Variants in STIM2 observed in about 807,000 individuals in gnomAD.
STIM2 encodes stromal interaction molecule 2.
A neutral mutation model predicts 85.8 loss-of-function variants in STIM2; 31 were observed. The ratio of observed to expected loss-of-function variants is 0.36; its 90% confidence interval spans 0.27 to 0.49. STIM2 has a LOEUF of 0.49. Among genes scored for constraint, STIM2 ranks in the 20% least tolerant of loss-of-function variants. The probability of loss-of-function intolerance (pLI) is 0.98; values close to 1 mark genes in which losing one functional copy is unlikely to be tolerated. For synonymous variants in STIM2, 356 were observed against 331.1 expected (o/e 1.08, Z -0.82); for missense variants, 841 against 927.6 (o/e 0.91, Z 1.21).
chr4:26,951,499 CT>C (rs749488657), intron 2 of STIM2, among the ~76,000 whole-genome samples: 45 of 152,168 alleles, frequency 3.0e-4, no homozygotes, highest in Middle Eastern at 3.4e-3. Flanking sequence ...GATCACTGTT[CT>C]TTGTGTTCAG....
intron 1 of STIM2, among the ~76,000 whole-genome samples, chr4:26,863,677 A>G (rs1722299505): frequency 6.6e-6 from 1 of 152,138 alleles, no homozygotes; most frequent in Non-Finnish European, 1.5e-5. Context: ...GTGGTATCAT[A>G]TTGTAGGCAG....
intron 1 of STIM2, among the ~76,000 whole-genome samples, chr4:26,875,135 C>G (rs1272189734): frequency 2.6e-5 from 4 of 152,102 alleles, no homozygotes; most frequent in African/African-American, 9.7e-5. Context: ...TTATACAAAG[C>G]ATATCCATAT....
intron 1 of STIM2, among the ~76,000 whole-genome samples, chr4:26,867,905 C>A (rs1722464771): frequency 6.6e-6 from 1 of 152,144 alleles, no homozygotes. Flanking sequence ...TGAACATTTC[C>A]TCCTCAGAGA....
chr4:27,019,019 G>T (rs149793865), intron 11 of STIM2, among the ~76,000 whole-genome samples: 5 of 152,182 alleles, frequency 3.3e-5, no homozygotes, highest in Non-Finnish European at 5.9e-5. Flanking sequence ...AATGACATCA[G>T]TGCTCCATGA....
chr4:26,870,206 C>T (rs1306670317), intron 1 of STIM2, among the ~76,000 whole-genome samples: 1 of 150,974 alleles, frequency 6.6e-6, no homozygotes, highest in Admixed American at 6.6e-5. Flanking sequence ...GTTCGGAGAT[C>T]TAATGTACAA....
At chr4:27,011,324 C>A (rs972572646) in intron 10 of STIM2, among the ~76,000 whole-genome samples, 5 of 152,166 alleles carry the variant, frequency 3.3e-5, no homozygotes, top group Non-Finnish European at 7.3e-5. Context: ...AAAGTCACTG[C>A]TTAATGAGTT....
chr4:26,864,114 A>G (rs542944161), intron 1 of STIM2, among the ~76,000 whole-genome samples: 1 of 152,154 alleles, frequency 6.6e-6, no homozygotes, highest in South Asian at 2.1e-4. Flanking sequence ...AAACAGACCC[A>G]TTGTCATAAT....
chr4:27,002,022 A>C (rs1298034708), intron 5 of STIM2, among the ~76,000 whole-genome samples, 195 bp from the exon 6 acceptor site: 1 of 152,182 alleles, frequency 6.6e-6, no homozygotes, highest in Non-Finnish European at 1.5e-5. Context: ...CCCTTCTATA[A>C]GTCTAGTATA....
At chr4:27,022,092 T>TAG (rs1213053782) in intron 11 of STIM2, among the ~76,000 whole-genome samples, 1 of 152,184 alleles carries the variant, frequency 6.6e-6, no homozygotes, top group Non-Finnish European at 1.5e-5. Context: ...AACAAAGCTA[T>TAG]AGTTCATCAA....
chr4:26,914,043 A>G (rs892559268), intron 1 of STIM2, among the ~76,000 whole-genome samples: 11 of 152,260 alleles, frequency 7.2e-5, no homozygotes, highest in African/African-American at 1.9e-4. Flanking sequence ...TTAACCAACC[A>G]TGGATATATT....
At chr4:26,932,792 T>C (rs965246644) in intron 2 of STIM2, among the ~76,000 whole-genome samples, 6 of 152,154 alleles carry the variant, frequency 3.9e-5, no homozygotes, top group African/African-American at 1.4e-4. Flanking sequence ...AATTAAGAGC[T>C]GAAGAAACTA....
At chr4:26,940,915 G>T (rs1328745001) in intron 2 of STIM2, among the ~76,000 whole-genome samples, 1 of 152,130 alleles carries the variant, frequency 6.6e-6, no homozygotes, top group East Asian at 1.9e-4. Flanking sequence ...TGAGACCCAA[G>T]AATTTGCATT....
rs1241634867 is a variant in STIM2 at position 26,909,158 on chromosome 4, CTT to C, written c.152-10345_152-10344del. ...AAAGCTAGACTTAGATTTCAGGAGA[CTT>C]AGCATTGAATTCCGACTGTGTCGTT... is the stretch of plus-strand genomic sequence containing the variant. On this transcript the variant is annotated intron_variant, in intron 1 of 11. Transcript: ENST00000467087. Among the ~76,000 whole-genome samples the C allele has an allele frequency of 4.6e-5, 7 of 152,182 alleles. 1 individual carries two copies. The South Asian group carries it at 1.2e-3, about 27-fold the overall frequency.
intron 3 of STIM2, among the ~76,000 whole-genome samples, chr4:26,984,556 G>A (rs1405086395): frequency 6.6e-6 from 1 of 152,160 alleles, no homozygotes; most frequent in African/African-American, 2.4e-5. Context: ...GTAGAGATGG[G>A]GTTTCGCCAT....
At chr4:26,875,455 A>G (rs1722782522) in intron 1 of STIM2, among the ~76,000 whole-genome samples, 1 of 152,288 alleles carries the variant, frequency 6.6e-6, no homozygotes, top group African/African-American at 2.4e-5. Context: ...GCTGGTAGTC[A>G]TGATAGATTC....
chr4:26,989,187 G>A (rs1009146538), intron 3 of STIM2, among the ~76,000 whole-genome samples: 1 of 152,062 alleles, frequency 6.6e-6, no homozygotes, highest in Non-Finnish European at 1.5e-5. Flanking sequence ...CACCCACCCT[G>A]GTCTCCCAAA....
intron 1 of STIM2, among the ~76,000 whole-genome samples, chr4:26,909,206 C>A (rs1724240550): frequency 6.6e-6 from 1 of 152,208 alleles, no homozygotes; most frequent in Non-Finnish European, 1.5e-5. Flanking sequence ...TTACTGTAGG[C>A]ACCTTACTCC....
intron 2 of STIM2, among the ~76,000 whole-genome samples, chr4:26,928,066 G>A (rs1485808524): frequency 3.3e-5 from 5 of 151,796 alleles, no homozygotes; most frequent in Non-Finnish European, 5.9e-5. Context: ...TGAATGCTGC[G>A]TTGCCTGGAG....
intron 3 of STIM2, among the ~76,000 whole-genome samples, chr4:26,971,889 A>G (rs1164422299): frequency 1.3e-5 from 2 of 152,138 alleles, no homozygotes; most frequent in Admixed American, 6.5e-5. Flanking sequence ...ATATTCTTCC[A>G]TTTGTTTGTG....
Sources: allele counts gnomAD v4.1 joint callset (sites outside exome capture counted in the v4.1 genomes callset), GRCh38; gene constraint gnomAD v4.1.1; transcripts MANE v1.5; gene names NCBI Gene and HGNC (gene_info 2026-07-23, HGNC 2026-07-21).